ANKS1B: variants seen among roughly 807,000 people sequenced by gnomAD.
The protein encoded by ANKS1B is ankyrin repeat and sterile alpha motif domain containing 1B.
In ANKS1B, 36 loss-of-function variants were observed where a neutral mutation model predicts 148.3. The ratio of observed to expected loss-of-function variants is 0.24; its 90% CI spans 0.19 to 0.32. ANKS1B has a LOEUF of 0.32. Among genes scored for constraint, ANKS1B ranks in the 10% least tolerant of loss-of-function variants. The probability of loss-of-function intolerance (pLI) is 1.00; values close to 1 mark genes in which losing one functional copy is unlikely to be tolerated. For synonymous variants in ANKS1B, 542 were observed against 560.8 expected (o/e 0.97, Z 0.47); for missense variants, 1,157 against 1,542.6 (o/e 0.75, Z 4.19).
At chr12:99,687,527 CT>C (rs765155733) in intron 8 of ANKS1B, among the ~76,000 whole-genome samples, 7 of 151,886 alleles carry the variant, frequency 4.6e-5, no homozygotes, top group African/African-American at 9.7e-5. Context: ...TTCAATCCTT[CT>C]TCTTTCTGTA....
chr12:99,393,873 C>A (rs1023177076), intron 12 of ANKS1B, among the ~76,000 whole-genome samples: 2 of 152,164 alleles, frequency 1.3e-5, no homozygotes, highest in Non-Finnish European at 2.9e-5. Flanking sequence ...ATATTACACT[C>A]CCTTGCATTT....
intron 12 of ANKS1B, among the ~76,000 whole-genome samples, chr12:99,340,535 A>G (rs1296698666): frequency 2.0e-5 from 3 of 151,612 alleles, no homozygotes; most frequent in Non-Finnish European, 4.4e-5. Flanking sequence ...TTTTTTATTT[A>G]TATATATGTA....
intron 17 of ANKS1B, among the ~76,000 whole-genome samples, chr12:98,975,277 C>G (rs1218879858): frequency 6.8e-6 from 1 of 146,152 alleles, no homozygotes; most frequent in Non-Finnish European, 1.5e-5. Flanking sequence ...CCCTCCCTCC[C>G]TTCCTTTTTT....
In ANKS1B at chr12:99,191,215, C is replaced by T. The variant is rs182211817; in HGVS notation, c.2420-36820G>A. Among the ~76,000 whole-genome samples, 90 of 152,066 alleles carry T rather than the reference C, an allele frequency of 5.9e-4. 1 individual carries two copies. The East Asian group carries it at 0.014, about 23-fold the overall frequency. ...GGAACAACAGATGCTGGAGAGGATA[C>T]GGAGAAATAGGAATGCTTTTATACT... is the stretch of plus-strand genomic sequence containing the variant. On this transcript the variant is annotated intron_variant, in intron 14 of 26. Transcript: ENST00000683438.
chr12:99,106,072 C>G (rs1010219195), intron 15 of ANKS1B, among the ~76,000 whole-genome samples: 1 of 152,194 alleles, frequency 6.6e-6, no homozygotes, highest in Non-Finnish European at 1.5e-5. Flanking sequence ...CCCTCCCTGA[C>G]AGATCCTTTA....
chr12:99,119,218 G>A (rs1566204206), intron 15 of ANKS1B, among the ~76,000 whole-genome samples: 1 of 152,074 alleles, frequency 6.6e-6, no homozygotes, highest in Non-Finnish European at 1.5e-5. Flanking sequence ...CAAAAGAGGA[G>A]GAGGCATTGT....
At chr12:99,693,918 C>G (rs1055927339) in intron 8 of ANKS1B, among the ~76,000 whole-genome samples, 1 of 151,094 alleles carries the variant, frequency 6.6e-6, no homozygotes, top group Admixed American at 6.6e-5. Context: ...GTAGCTAGGA[C>G]TACAGATGCG....
intron 1 of ANKS1B, among the ~76,000 whole-genome samples, chr12:99,849,857 T>C (rs1387508088): frequency 4.6e-5 from 7 of 152,154 alleles, no homozygotes; most frequent in Non-Finnish European, 7.4e-5. Context: ...TCTGAGATGC[T>C]AGCAATATTC....
At chr12:98,750,581 G>A (rs1169705563) in intron 26 of ANKS1B, among the ~76,000 whole-genome samples, 1 of 152,180 alleles carries the variant, frequency 6.6e-6, no homozygotes, top group African/African-American at 2.4e-5. Flanking sequence ...GGGCGTGAGA[G>A]CAATGCATTC....
chr12:99,042,001 AAAC>A (rs541198777), intron 17 of ANKS1B, among the ~76,000 whole-genome samples: 69 of 152,182 alleles, frequency 4.5e-4, no homozygotes, highest in African/African-American at 1.5e-3. Flanking sequence ...CCCTGTCTCG[AAAC>A]AACAACAACA....
At chr12:99,454,254 A>T (rs1316609173) in intron 10 of ANKS1B, among the ~76,000 whole-genome samples, 1 of 152,236 alleles carries the variant, frequency 6.6e-6, no homozygotes, top group Non-Finnish European at 1.5e-5. Flanking sequence ...TAGGAAAAAA[A>T]GTCAGCCACA....
At chr12:99,980,652 A>G (rs1234755320) in intron 1 of ANKS1B, among the ~76,000 whole-genome samples, 2 of 151,996 alleles carry the variant, frequency 1.3e-5, no homozygotes, top group African/African-American at 4.8e-5. Flanking sequence ...GAGAGTAGAG[A>G]AAAGTATGAA....
chr12:99,868,913 C>T (rs1166753634), intron 1 of ANKS1B, among the ~76,000 whole-genome samples: 3 of 151,934 alleles, frequency 2.0e-5, no homozygotes, highest in East Asian at 3.9e-4. Flanking sequence ...CAAAAATAGC[C>T]GGGCATGGTG....
rs141702061 is a variant in ANKS1B, at chr12:99,930,457, G to T, written c.134+53647C>A. On this transcript the variant is annotated intron_variant, in intron 1 of 26. Transcript: ENST00000683438. ...TGTCATCTGCAAACAGGGACAATTTGACTTCTTCTTTTCCTAATCGAATAT... is the reference window on the plus strand; with the variant it reads ...TGTCATCTGCAAACAGGGACAATTTTACTTCTTCTTTTCCTAATCGAATAT... 1.6e-3 allele frequency among the ~76,000 whole-genome samples: 245 copies of T among 152,280 alleles called. 9 individuals carry two copies. In the East Asian group the frequency reaches 0.039, roughly 25 times the overall value.
intron 12 of ANKS1B, among the ~76,000 whole-genome samples, chr12:99,263,375 ATTTC>A (rs1450908305): frequency 5.9e-5 from 9 of 152,130 alleles, no homozygotes; most frequent in African/African-American, 1.9e-4. Flanking sequence ...TCTCTTTTCA[ATTTC>A]TTTTAGATTT....
At chr12:98,985,567 T>G (rs1174367581) in intron 17 of ANKS1B, among the ~76,000 whole-genome samples, 1 of 151,822 alleles carries the variant, frequency 6.6e-6, no homozygotes, top group Non-Finnish European at 1.5e-5. Flanking sequence ...GTTTACATTA[T>G]TCATCTTAAC....
intron 9 of ANKS1B, among the ~76,000 whole-genome samples, chr12:99,509,264 A>T (rs1033755450): frequency 6.6e-6 from 1 of 151,858 alleles, no homozygotes; most frequent in Non-Finnish European, 1.5e-5. Flanking sequence ...AAATTCAAGA[A>T]GAGTCACATG....
At chr12:99,820,531 C>A (rs1303524603) in intron 2 of ANKS1B, among the ~76,000 whole-genome samples, 1 of 151,924 alleles carries the variant, frequency 6.6e-6, no homozygotes, top group African/African-American at 2.4e-5. Context: ...ACAACAGCGA[C>A]AAACATGGAA....
At chr12:98,833,773 G>A (rs1157009399) in intron 17 of ANKS1B, among the ~76,000 whole-genome samples, 1 of 151,972 alleles carries the variant, frequency 6.6e-6, no homozygotes, top group Non-Finnish European at 1.5e-5. Flanking sequence ...CGTCCCCAGT[G>A]TTCACTGTTG....
Sources: allele counts gnomAD v4.1 joint callset (sites outside exome capture counted in the v4.1 genomes callset), GRCh38; gene constraint gnomAD v4.1.1; transcripts MANE v1.5; gene names NCBI Gene and HGNC (gene_info 2026-07-23, HGNC 2026-07-21).